The following ZNF18 variants were observed in gnomAD, a reference collection of about 807,000 sequenced individuals.
The protein encoded by ZNF18 is heart development-specific gene 1 protein.
A neutral mutation model predicts 58.1 loss-of-function variants in ZNF18; 42 were observed. The ratio of observed to expected loss-of-function variants is 0.72; its 90% confidence interval spans 0.56 to 0.93. The LOEUF (loss-of-function observed/expected upper bound fraction) is 0.93, where lower values mean the gene tolerates loss of function less well. Among genes scored for constraint, ZNF18 ranks in the 40% least tolerant of loss-of-function variants. The probability of loss-of-function intolerance (pLI) is 0.00; values close to 1 mark genes in which losing one functional copy is unlikely to be tolerated. For synonymous variants in ZNF18, 231 were observed against 239.8 expected (o/e 0.96, Z 0.34); for missense variants, 540 against 644.2 (o/e 0.84, Z 1.75).
In ZNF18 at chr17:11,978,618, G is replaced by C. The variant is rs1967140787; in HGVS notation, c.989C>G (p.Thr330Ser). The C allele has an allele frequency of 1.2e-6, 2 of 1,613,978 alleles. No individual in the cohort carries two copies. The highest frequency in any genetic ancestry group is 1.7e-6 in the Non-Finnish European group (2 of 1,180,036). Residue 330 changes from threonine (T) to serine (S), a missense_variant, in exon 7 of 7, where the codon ACT (threonine) becomes AGT (serine). Transcript: ENST00000580306. ...PSQASLRGFF[T>S]EDEPGCFGEG... The stretch of plus-strand genomic sequence containing the variant: ...TCCAAAGCATCCTGGCTCATCCTCA[G>C]TGAAGAAGCCCCTCAAGGAAGCCTG...
chr17:11,999,727 A>G (rs967279232), upstream of ZNF18, among the ~76,000 whole-genome samples: 1 of 152,214 alleles, frequency 6.6e-6, no homozygotes, highest in African/African-American at 2.4e-5. Context: ...TAAGTGCACA[A>G]GTGGTAATTA....
At chr17:11,984,268 C>A in intron 4 of ZNF18, 71 bp from the exon 5 acceptor site, 1 of 1,444,714 alleles carries the variant, frequency 6.9e-7, no homozygotes. Context: ...GCCTTCCCTG[C>A]CTAAAGGAAA....
upstream of ZNF18, among the ~76,000 whole-genome samples, chr17:11,998,810 G>T (rs1181612664): frequency 6.6e-6 from 1 of 150,706 alleles, no homozygotes; most frequent in African/African-American, 2.4e-5. Context: ...GACATAGGTG[G>T]AAGTTTCTAG....
At chr17:12,001,500 G>T (rs1968654963), upstream of ZNF18, among the ~76,000 whole-genome samples, 2 of 152,072 alleles carry the variant, frequency 1.3e-5, no homozygotes, top group Non-Finnish European at 2.9e-5. Flanking sequence ...GTGGTGGCAG[G>T]TGCCTGTAGT....
At chr17:12,002,989 T>G in the ZNF18 span, among the ~76,000 whole-genome samples, 1 of 152,230 alleles carries the variant, frequency 6.6e-6, no homozygotes, top group Admixed American at 6.5e-5. Flanking sequence ...TGTATCCTGT[T>G]GACTTCAATA....
chr17:12,011,258 G>A, the ZNF18 span: 12 of 391,502 alleles, frequency 3.1e-5, no homozygotes, highest in Non-Finnish European at 5.6e-5. Flanking sequence ...CGGTTCCCCT[G>A]AATCATATTT....
chr17:11,980,163 G>A (rs1479744886), intron 6 of ZNF18, among the ~76,000 whole-genome samples: 2 of 152,190 alleles, frequency 1.3e-5, no homozygotes, highest in Non-Finnish European at 2.9e-5. Flanking sequence ...GTGAAATTGG[G>A]CAGAGGGGGA....
rs1172569679 is a variant in ZNF18, at chr17:11,996,709, T to TA, written c.-83+721dup. 2.0e-5 allele frequency: 3 copies of TA among 152,332 alleles called. No individual in the cohort carries two copies. The East Asian group carries it at 5.8e-4, about 29-fold the overall frequency. 9.4% of individuals were successfully genotyped at this position (152,332 alleles called of 1,614,324 possible). A position where few individuals can be genotyped will look rare whatever the true frequency, so the allele number is the denominator to read the frequency against. On this transcript the variant is annotated intron_variant, in intron 1 of 6. Transcript: ENST00000580306. ...TCTAGGTGTAATATACACAAGTGGT[T>TA]ACATACATGGTTACATATATAAGTA...
chr17:11,999,581 C>T (rs188491172), upstream of ZNF18, among the ~76,000 whole-genome samples: 1 of 152,352 alleles, frequency 6.6e-6, no homozygotes, highest in East Asian at 1.9e-4. Flanking sequence ...CTATTATTCA[C>T]TTACTCATTC....
At chr17:12,007,275 T>C in the ZNF18 span, among the ~76,000 whole-genome samples, 1 of 152,170 alleles carries the variant, frequency 6.6e-6, no homozygotes, top group East Asian at 1.9e-4. Flanking sequence ...AGATGCAGAT[T>C]TGGGAAGCTT....
chr17:11,978,849 T>TC, intron 6 of ZNF18, 105 bp from the exon 7 acceptor site: 1 of 738,124 alleles, frequency 1.4e-6, no homozygotes, highest in Admixed American at 3.6e-5. Context: ...TCTTTTTTTT[T>TC]TTTTTTTTTT....
At chr17:11,985,233 T>C (rs1018133113) in intron 4 of ZNF18, among the ~76,000 whole-genome samples, 2 of 152,198 alleles carry the variant, frequency 1.3e-5, no homozygotes, top group African/African-American at 4.8e-5. Flanking sequence ...GGGAATACCA[T>C]ACAGCTAGGG....
intron 4 of ZNF18, among the ~76,000 whole-genome samples, chr17:11,985,229 A>G (rs1172648527): frequency 6.6e-6 from 1 of 152,210 alleles, no homozygotes; most frequent in East Asian, 1.9e-4. Flanking sequence ...AACTGGGAAT[A>G]CCATACAGCT....
chr17:12,019,523 T>C, the ZNF18 span, among the ~76,000 whole-genome samples: 1 of 152,214 alleles, frequency 6.6e-6, no homozygotes, highest in African/African-American at 2.4e-5. Context: ...TTATAAGACC[T>C]GGACTTGAAG....
intron 6 of ZNF18, among the ~76,000 whole-genome samples, chr17:11,982,864 G>C (rs1449053832): frequency 6.6e-6 from 1 of 152,016 alleles, no homozygotes; most frequent in Non-Finnish European, 1.5e-5. Context: ...AGAAGTGTTA[G>C]GTGCATAGGG....
At chr17:11,999,510 T>G (rs1968621286), upstream of ZNF18, among the ~76,000 whole-genome samples, 1 of 152,258 alleles carries the variant, frequency 6.6e-6, no homozygotes, top group Non-Finnish European at 1.5e-5. Flanking sequence ...ATCAAAATAT[T>G]TTTTAAAATA....
At chr17:12,008,447 G>A in the ZNF18 span, among the ~76,000 whole-genome samples, 1 of 152,050 alleles carries the variant, frequency 6.6e-6, no homozygotes, top group African/African-American at 2.4e-5. Flanking sequence ...GGATCCTCAC[G>A]CCTCAGCCTG....
chr17:11,993,058 G>A, intron 1 of ZNF18, 147 bp from the exon 2 acceptor site: 1 of 528,832 alleles, frequency 1.9e-6, no homozygotes, highest in Non-Finnish European at 3.3e-6. Context: ...TATTTTGAAA[G>A]ATTATAAACT....
the ZNF18 span, among the ~76,000 whole-genome samples, chr17:12,004,237 A>G: frequency 6.6e-6 from 1 of 152,228 alleles, no homozygotes; most frequent in East Asian, 1.9e-4. Context: ...TGTCTCAAAA[A>G]AAAAAAAAGT....
Sources: gnomAD v4.1 joint callset for allele counts (sites outside exome capture counted in the v4.1 genomes callset) on GRCh38, gnomAD v4.1.1 for gene constraint, MANE v1.5 for transcripts, NCBI Gene and HGNC (gene_info 2026-07-23, HGNC 2026-07-21) for gene names.